The following LRP5 variants were observed in gnomAD, a reference collection of about 807,000 sequenced individuals.
LRP5 encodes LDL receptor related protein 5, also known as low-density lipoprotein receptor-related protein 5.
A neutral mutation model predicts 154.1 loss-of-function variants in LRP5; 62 were observed. The observed-to-expected ratio is 0.40, with a 90% CI of 0.33 to 0.50. The LOEUF is 0.50. Among genes scored for constraint, LRP5 ranks in the 20% least tolerant of loss-of-function variants. The probability of loss-of-function intolerance (pLI) is 0.55; values close to 1 mark genes in which losing one functional copy is unlikely to be tolerated. For synonymous variants in LRP5, 966 were observed against 1,011.5 expected, an observed-to-expected ratio of 0.96 and a Z score of 0.85; for missense variants, 1,915 against 2,336.7, an observed-to-expected ratio of 0.82 and a Z score of 3.72.
rs2098643020 is a variant in LRP5, at chr11:68,386,373, A to T, written c.1073A>T (p.Asp358Val). ...ACGGACCTACGGAGGATCTCGCTGG[A>T]CACGCCGGACTTCACCGACATCGTG... ...RRTDLRRISL[D>V]TPDFTDIVLQ... is the part of the protein sequence containing the mutation. Residue 358 changes from aspartate to valine, a missense_variant, in exon 6 of 23, where the codon GAC becomes GTC. By Grantham distance (152) the Asp-to-Val change is radical (BLOSUM62 -3). Around this residue, in one of 3 missense-constraint regions of LRP5, gnomAD observed 773 missense variants for 1,100.9 expected, o/e 0.70. Transcript: ENST00000294304. This position sits in a 1 kb window ranked among gnomAD's most constrained non-coding sequence, Gnocchi z 7.9. 1 of 1,613,442 alleles carries T rather than the reference A, an allele frequency of 6.2e-7. No individual in the cohort carries two copies. The highest frequency in any genetic ancestry group is 8.5e-7 in the Non-Finnish European group (1 of 1,179,996).
At chr11:68,363,270 G>T (rs1225216352) in intron 3 of LRP5, among the ~76,000 whole-genome samples, 4 of 152,202 alleles carry the variant, frequency 2.6e-5, no homozygotes, top group African/African-American at 7.2e-5. Flanking sequence ...ACCATCACAG[G>T]CTGTGTTTGG....
At chr11:68,418,334 G>A (rs1254830533) in intron 13 of LRP5, among the ~76,000 whole-genome samples, 1 of 151,882 alleles carries the variant, frequency 6.6e-6, no homozygotes, top group Non-Finnish European at 1.5e-5. Flanking sequence ...CCTGGGAGGT[G>A]GAGGTTGCAG....
At chr11:68,390,606 G>C (rs1025402935) in intron 7 of LRP5, among the ~76,000 whole-genome samples, 1 of 152,086 alleles carries the variant, frequency 6.6e-6, no homozygotes, top group Non-Finnish European at 1.5e-5. Flanking sequence ...CTGCTGCTGT[G>C]GTCGGGTTTC....
At chr11:68,445,891 C>T (rs1020864062) in intron 21 of LRP5, among the ~76,000 whole-genome samples, 10 of 152,214 alleles carry the variant, frequency 6.6e-5, no homozygotes, top group Admixed American at 1.3e-4. Flanking sequence ...CCTCCCTCAG[C>T]GTGGTGACTT....
intron 7 of LRP5, among the ~76,000 whole-genome samples, chr11:68,397,255 C>CT (rs2098649951): frequency 6.6e-6 from 1 of 152,170 alleles, no homozygotes; most frequent in Non-Finnish European, 1.5e-5. Context: ...CTACCCTGCC[C>CT]TTCTCTCCTC....
intron 9 of LRP5, among the ~76,000 whole-genome samples, 180 bp from the exon 10 acceptor site, chr11:68,409,734 C>T (rs1358009284): frequency 2.1e-5 from 3 of 144,638 alleles, no homozygotes; most frequent in Non-Finnish European, 3.0e-5. Flanking sequence ...CTGTAATCCC[C>T]ACCTACTTGG....
chr11:68,390,072 GT>G lies in LRP5; in HGVS notation c.1584+23del. On this transcript the variant is annotated intron_variant, in intron 7 of 22. Coordinates refer to ENST00000294304, the MANE Select transcript of LRP5 (RefSeq NM_002335.4). Reference sequence around the variant, plus strand: ...ATCGAGGTGAGGCTCCTGTGGACATGTTTGATCCAGGAGGCCAGGCCCAGCC... The same window carrying G: ...ATCGAGGTGAGGCTCCTGTGGACATGTTGATCCAGGAGGCCAGGCCCAGCC... 2 of 1,613,844 alleles carry G rather than the reference GT, an allele frequency of 1.2e-6. No individual in the cohort carries two copies. The highest frequency in any genetic ancestry group is 1.7e-6 in the Non-Finnish European group (2 of 1,179,846).
chr11:68,344,740 C>T lies in LRP5; in HGVS notation c.92-3107C>T, dbSNP rs978532876. Among the ~76,000 whole-genome samples, 3 of 151,822 alleles carry T rather than the reference C, an allele frequency of 2.0e-5. No individual in the cohort carries two copies. The South Asian group carries it at 6.2e-4, about 31-fold the overall frequency. The stretch of plus-strand genomic sequence containing the variant: ...CAATGAATTTGCCTACCGTAAGTAC[C>T]TCATATAAATTGAATCATAAAGTAT... On this transcript the variant is annotated intron_variant, in intron 1 of 22. Coordinates refer to ENST00000294304, the MANE Select transcript of LRP5 (RefSeq NM_002335.4).
chr11:68,445,822 C>A (rs2153184820), intron 21 of LRP5: 2 of 462,190 alleles, frequency 4.3e-6, no homozygotes, highest in Non-Finnish European at 7.7e-6. Flanking sequence ...CGCTTTGGGG[C>A]TGGTGCCAGC....
chr11:68,372,346 GGTGAGGAGGT>G, intron 5 of LRP5, among the ~76,000 whole-genome samples: 2 of 148,978 alleles, frequency 1.3e-5, no homozygotes, highest in Admixed American at 6.6e-5. Context: ...CTGTGGTGGT[GGTGAGGAGGT>G]GCAGTGTCAG....
At chr11:68,375,340 G>C (rs189461388) in intron 5 of LRP5, among the ~76,000 whole-genome samples, 1 of 152,220 alleles carries the variant, frequency 6.6e-6, no homozygotes, top group Admixed American at 6.5e-5. Flanking sequence ...AGAAGGCTCC[G>C]ACTCCCTTCC....
In LRP5 at chr11:68,416,372, C is replaced by A. The variant is rs754174678; in HGVS notation, c.2872C>A (p.Arg958=). ...LLFSQKSAIS[R]MIPDDQHSPD... is the part of the protein sequence containing the mutation. Reference sequence around the variant, plus strand: ...GTTCAGCCAGAAATCTGCCATCAGTCGGATGATCCCGGACGACCAGCACAG... The same window carrying A: ...GTTCAGCCAGAAATCTGCCATCAGTAGGATGATCCCGGACGACCAGCACAG... The change falls in exon 13 of 23, where the codon CGG becomes AGG. Residue 958 remains arginine, a synonymous_variant. Coordinates refer to ENST00000294304, the MANE Select transcript of LRP5 (RefSeq NM_002335.4). The A allele has an allele frequency of 1.2e-6, 2 of 1,614,160 alleles. No homozygotes were observed. Among genetic ancestry groups the A allele is most frequent in the African/African-American group, 1.3e-5 (1 of 75,052 alleles).
In LRP5 at chr11:68,447,106, C is replaced by T. The variant is rs1162926081; in HGVS notation, c.4586+573C>T. 1 of 171,410 alleles carries T rather than the reference C, an allele frequency of 5.8e-6. No homozygotes were observed. Among genetic ancestry groups the T allele is most frequent in the Non-Finnish European group, 1.3e-5 (1 of 78,974 alleles). The allele number at this position is 171,410 out of a possible 1,614,324, so 10.6% of individuals were successfully genotyped here. A position where few individuals can be genotyped will look rare whatever the true frequency, so the allele number is the denominator to read the frequency against. ...CTGCCCATGTTGGGGTCACAGGCCC[C>T]ACCTCCCTGGTTGGGGAGGGGCAAC... On this transcript the variant is annotated intron_variant, in intron 22 of 22. Coordinates refer to ENST00000294304, the MANE Select transcript of LRP5 (RefSeq NM_002335.4). This position sits in a 1 kb window ranked among gnomAD's most constrained non-coding sequence, Gnocchi z 4.3.
In LRP5 at chr11:68,386,970, G is replaced by A. The variant is rs1362253783; in HGVS notation, c.1412+258G>A. On this transcript the variant is annotated intron_variant, in intron 6 of 22. Transcript: ENST00000294304. The surrounding 1 kb of genome is among the most constrained non-coding windows in gnomAD (Gnocchi z 7.9). ...GGGTCCATGCGTAGAAAGCCCTGGA[G>A]ACCTGGAGGGAGCCCTTTGTTCCCC... Among the ~76,000 whole-genome samples the A allele has an allele frequency of 1.3e-5, 2 of 152,214 alleles. No homozygotes were observed. Among genetic ancestry groups the A allele is most frequent in the Non-Finnish European group, 2.9e-5 (2 of 68,048 alleles).
intron 2 of LRP5, among the ~76,000 whole-genome samples, chr11:68,349,314 T>A (rs1272318042): frequency 6.6e-6 from 1 of 152,148 alleles, no homozygotes; most frequent in Non-Finnish European, 1.5e-5. Flanking sequence ...ATTACAGACG[T>A]GAACCACCGT....
chr11:68,348,361 C>CCCGT, intron 2 of LRP5, 118 bp downstream of exon 2: 1 of 1,358,240 alleles, frequency 7.4e-7, no homozygotes, highest in Non-Finnish European at 1.0e-6. Context: ...TGAAAATGAA[C>CCCGT]CCGTGGGGGG....
chr11:68,320,549 C>T (rs1445937823), intron 1 of LRP5, among the ~76,000 whole-genome samples: 1 of 151,470 alleles, frequency 6.6e-6, no homozygotes, highest in Non-Finnish European at 1.5e-5. Flanking sequence ...GCAACCTCTG[C>T]CTCCCGGGTT....
chr11:68,425,870 A>G, intron 15 of LRP5, 108 bp from the exon 16 acceptor site: 2 of 982,100 alleles, frequency 2.0e-6, no homozygotes, highest in Non-Finnish European at 3.2e-6. Flanking sequence ...AAAGCATGGA[A>G]TCCCCCAGGC....
intron 6 of LRP5, among the ~76,000 whole-genome samples, chr11:68,387,658 C>A (rs1479036483): frequency 6.6e-6 from 1 of 152,172 alleles, no homozygotes; most frequent in South Asian, 2.1e-4. Flanking sequence ...CCCGCCCCAG[C>A]GGCTCAGAGG....
Sources: allele counts gnomAD v4.1 joint callset (sites outside exome capture counted in the v4.1 genomes callset), GRCh38; gene constraint gnomAD v4.1.1; regional missense constraint gnomAD v4.1.1; non-coding constraint Gnocchi (gnomAD v3.1); transcripts MANE v1.5; gene names NCBI Gene and HGNC (gene_info 2026-07-23, HGNC 2026-07-21).